ATP13A4: variants seen among roughly 807,000 people sequenced by gnomAD.
ATP13A4 encodes ATPase 13A4.
In ATP13A4, 114 loss-of-function variants were observed where a neutral mutation model predicts 142.5. The ratio of observed to expected loss-of-function variants is 0.80; its 90% CI spans 0.69 to 0.93. The LOEUF is 0.93. Among genes scored for constraint, ATP13A4 ranks in the 40% least tolerant of loss-of-function variants. The pLI, the probability that ATP13A4 is intolerant of heterozygous loss-of-function variation, is 0.00. For missense variants in ATP13A4, 1,392 were observed against 1,454.0 expected (o/e 0.96, Z 0.69); for synonymous variants, 488 against 514.8 (o/e 0.95, Z 0.70).
chr3:193,448,156 T>C lies in ATP13A4; in HGVS notation c.2152+50A>G, dbSNP rs1177582166. 4 of 1,607,416 alleles carry C rather than the reference T, an allele frequency of 2.5e-6. No homozygotes were observed. The South Asian group carries it at 4.4e-5, about 18-fold the overall frequency. Reference sequence around the variant, plus strand: ...ATTTATTAAATGAGTGAACCATGTCTATTTCCACATCAAATTCTTACTGTT... The same window carrying C: ...ATTTATTAAATGAGTGAACCATGTCCATTTCCACATCAAATTCTTACTGTT... On this transcript the variant is annotated intron_variant, in intron 18 of 29. Transcript: ENST00000342695.
intron 25 of ATP13A4, among the ~76,000 whole-genome samples, chr3:193,428,034 C>A (rs1038874218): frequency 6.6e-6 from 1 of 152,116 alleles, no homozygotes; most frequent in Non-Finnish European, 1.5e-5. Context: ...TTTTTGCAAT[C>A]TACTCATCTG....
At chr3:193,512,575 G>A in intron 2 of ATP13A4, among the ~76,000 whole-genome samples, 1 of 152,114 alleles carries the variant, frequency 6.6e-6, no homozygotes, top group African/African-American at 2.4e-5. Context: ...AGAATCATTA[G>A]CATCACTTGA....
chr3:193,497,351 G>A (rs764948620), intron 3 of ATP13A4, among the ~76,000 whole-genome samples: 23 of 152,022 alleles, frequency 1.5e-4, no homozygotes, highest in Non-Finnish European at 2.1e-4. Context: ...GGAAATGCAC[G>A]TCAAAACCAC....
chr3:193,415,670 C>T (rs992255580), intron 25 of ATP13A4, among the ~76,000 whole-genome samples: 2 of 152,188 alleles, frequency 1.3e-5, no homozygotes, highest in Non-Finnish European at 2.9e-5. Flanking sequence ...TCTGTTCCAC[C>T]TAACACAGAA....
At chr3:193,418,121 C>CA (rs558796010) in intron 25 of ATP13A4, among the ~76,000 whole-genome samples, 2 of 15,808 alleles carry the variant, frequency 1.3e-4, no homozygotes, top group Non-Finnish European at 2.0e-4. Context: ...GACTCCGTCT[C>CA]AAAAAAAAAA....
Position 193,572,545 on chromosome 3 carries a change from G to A in ATP13A4, n.291+9162C>T, listed in dbSNP as rs138227978. Among the ~76,000 whole-genome samples, 7 of 152,210 alleles carry A rather than the reference G, an allele frequency of 4.6e-5. No individual in the cohort carries two copies. In the East Asian group the frequency reaches 7.7e-4, roughly 17 times the overall value. ...TTTAAAAAACGAACAGAACATCCTC[G>A]GTTTAGTGGGACGCCTCTGCCCCCT... On this transcript the variant is annotated intron_variant and non_coding_transcript_variant, in intron 2 of 3. Transcript: ENST00000489140.
chr3:193,462,903 G>T, intron 12 of ATP13A4, 80 bp from the exon 13 acceptor site: 1 of 1,392,180 alleles, frequency 7.2e-7, no homozygotes. Flanking sequence ...CCAGCACTAC[G>T]GGAGGCGGAG....
At chr3:193,483,237 T>A (rs1474823762) in intron 8 of ATP13A4, among the ~76,000 whole-genome samples, 1 of 152,066 alleles carries the variant, frequency 6.6e-6, no homozygotes, top group East Asian at 1.9e-4. Context: ...AGAAAGCTGA[T>A]AAATGATTGC....
intron 1 of ATP13A4, among the ~76,000 whole-genome samples, chr3:193,585,636 G>T (rs887601138): frequency 8.5e-5 from 13 of 152,102 alleles, no homozygotes; most frequent in Admixed American, 5.9e-4. Flanking sequence ...TTTGAGTTCA[G>T]CGCGTCTGTT....
chr3:193,587,759 T>C (rs550745959), intron 1 of ATP13A4, among the ~76,000 whole-genome samples: 1 of 152,320 alleles, frequency 6.6e-6, no homozygotes, highest in East Asian at 1.9e-4. Flanking sequence ...ATTATTGCAC[T>C]GAATGTAATA....
At chr3:193,523,937 T>C (rs900346342) in intron 1 of ATP13A4, among the ~76,000 whole-genome samples, 1 of 152,126 alleles carries the variant, frequency 6.6e-6, no homozygotes, top group African/African-American at 2.4e-5. Flanking sequence ...AGAATCTAGC[T>C]TCCTCAGTTT....
At chr3:193,453,164 C>A (rs1163126744) in intron 17 of ATP13A4, among the ~76,000 whole-genome samples, 1 of 152,054 alleles carries the variant, frequency 6.6e-6, no homozygotes, top group East Asian at 1.9e-4. Flanking sequence ...TAAACTATCA[C>A]CTGTGTGAAA....
At position 193,438,460 on chromosome 3, in the gene ATP13A4, G is replaced by A. The variant is rs374104236; in HGVS notation, c.2672+15C>T. On this transcript the variant is annotated intron_variant, in intron 23 of 29. Transcript: ENST00000342695. ...CAAGAGAGAGAAAACAATGTTTGAG[G>A]AAGTGCCTACTTACTTGATAAGGTG... The A allele has an allele frequency of 1.3e-6, 2 of 1,564,456 alleles. No individual in the cohort carries two copies. The highest frequency in any genetic ancestry group is 2.7e-5 in the African/African-American group (2 of 73,862).
intron 3 of ATP13A4, among the ~76,000 whole-genome samples, chr3:193,499,431 T>G (rs972708280): frequency 6.6e-6 from 1 of 152,266 alleles, no homozygotes; most frequent in African/African-American, 2.4e-5. Context: ...TAATCACAGC[T>G]ACTATTTTTT....
At chr3:193,556,247 CA>C (rs1723883559), upstream of ATP13A4, among the ~76,000 whole-genome samples, 1 of 152,226 alleles carries the variant, frequency 6.6e-6, no homozygotes. Flanking sequence ...AGGTGTTCCA[CA>C]AAAGATAGTT....
intron 25 of ATP13A4, among the ~76,000 whole-genome samples, chr3:193,425,986 A>T (rs574068754): frequency 1.7e-4 from 26 of 151,942 alleles, no homozygotes; most frequent in Non-Finnish European, 3.2e-4. Flanking sequence ...TACCTCATAA[A>T]TATGTACAAA....
chr3:193,461,583 T>C (rs1204718362), intron 13 of ATP13A4, among the ~76,000 whole-genome samples: 1 of 152,252 alleles, frequency 6.6e-6, no homozygotes, highest in Admixed American at 6.5e-5. Context: ...GACTTGTTTC[T>C]AGATAGCATT....
At chr3:193,485,980 G>A (rs1440547438) in intron 7 of ATP13A4, among the ~76,000 whole-genome samples, 5 of 150,290 alleles carry the variant, frequency 3.3e-5, no homozygotes, top group Non-Finnish European at 5.9e-5. Context: ...AAAAGAGATT[G>A]CAAAAATGTA....
intron 21 of ATP13A4, chr3:193,440,211 C>T: frequency 7.4e-6 from 2 of 269,812 alleles, no homozygotes; most frequent in African/African-American, 2.2e-5. Context: ...TCTCACTGTC[C>T]CTCCAGGAGC....
Sources: allele counts gnomAD v4.1 joint callset (sites outside exome capture counted in the v4.1 genomes callset), GRCh38; gene constraint gnomAD v4.1.1; transcripts MANE v1.5; gene names NCBI Gene and HGNC (gene_info 2026-07-23, HGNC 2026-07-21).